Variants in TAFA2 observed in about 807,000 individuals in gnomAD.
TAFA2 encodes the protein chemokine-like protein TAFA-2.
A neutral mutation model predicts 18.8 loss-of-function variants in TAFA2; 7 were observed. The observed-to-expected ratio is 0.37, with a 90% CI of 0.21 to 0.70. The LOEUF (loss-of-function observed/expected upper bound fraction) is 0.70, where lower values mean the gene tolerates loss of function less well. TAFA2 is among the 30% of genes least tolerant of loss of function. The probability of loss-of-function intolerance (pLI) is 0.53; values close to 1 mark genes in which losing one functional copy is unlikely to be tolerated. For missense variants in TAFA2, 122 were observed against 158.1 expected (o/e 0.77, Z 1.23); for synonymous variants, 60 against 54.2 (o/e 1.11, Z -0.47).
chr12:62,127,992 A>T (rs138215350), intron 1 of TAFA2, among the ~76,000 whole-genome samples: 106 of 152,154 alleles, frequency 7.0e-4, no homozygotes, highest in African/African-American at 2.5e-3. Context: ...GACCATCAAG[A>T]AAGAAATCCA....
chr12:61,885,794 CGTGA>C (rs1367645113), intron 1 of TAFA2, among the ~76,000 whole-genome samples: 1 of 152,204 alleles, frequency 6.6e-6, no homozygotes, highest in Non-Finnish European at 1.5e-5. Context: ...ACGCCAGTGA[CGTGA>C]GTGTCGGTGT....
chr12:62,145,909 G>A (rs1470096613), intron 1 of TAFA2, among the ~76,000 whole-genome samples: 1 of 152,190 alleles, frequency 6.6e-6, no homozygotes, highest in Non-Finnish European at 1.5e-5. Context: ...ATACCCCCTT[G>A]GGTAGGATAC....
intron 1 of TAFA2, among the ~76,000 whole-genome samples, chr12:62,227,923 T>A (rs2062794633): frequency 6.6e-6 from 1 of 152,120 alleles, no homozygotes; most frequent in South Asian, 2.1e-4. Context: ...GCTGTAAATG[T>A]GTGGATTTAT....
intron 1 of TAFA2, among the ~76,000 whole-genome samples, chr12:62,118,629 C>CT (rs1870063887): frequency 6.6e-6 from 1 of 152,062 alleles, no homozygotes; most frequent in East Asian, 1.9e-4. Context: ...ATAATTGACA[C>CT]TATCAGGCTT....
chr12:61,778,958 C>G (rs747933616), intron 2 of TAFA2, among the ~76,000 whole-genome samples: 9 of 151,824 alleles, frequency 5.9e-5, no homozygotes, highest in Non-Finnish European at 1.3e-4. Flanking sequence ...TAAAATGTGC[C>G]CTGTTGAAAA....
intron 1 of TAFA2, among the ~76,000 whole-genome samples, chr12:62,160,667 C>T (rs528876968): frequency 9.6e-4 from 146 of 152,314 alleles, no homozygotes; most frequent in South Asian, 5.2e-3. Context: ...ACATGATCAC[C>T]TGCAGTTGGG....
intron 1 of TAFA2, among the ~76,000 whole-genome samples, chr12:62,059,137 A>ATGTGTGTGTG (rs779755647): frequency 0.036 from 1,548 of 43,444 alleles, 14 homozygotes; most frequent in Non-Finnish European, 0.053. Context: ...ATATGTGTGT[A>ATGTGTGTGTG]TATGTGTGTG....
chr12:61,964,511 T>C (rs75302405), intron 1 of TAFA2, among the ~76,000 whole-genome samples: 14,735 of 151,708 alleles, frequency 0.097, 936 homozygotes, highest in South Asian at 0.29. Flanking sequence ...AAATCCACCT[T>C]ATACCAAATG....
intron 2 of TAFA2, among the ~76,000 whole-genome samples, chr12:61,860,888 A>G (rs1338151959): frequency 6.6e-6 from 1 of 152,158 alleles, no homozygotes; most frequent in Non-Finnish European, 1.5e-5. Context: ...TTATCTGATT[A>G]ATGTTTTTCT....
At chr12:62,036,036 G>C (rs554723623) in intron 1 of TAFA2, among the ~76,000 whole-genome samples, 1 of 152,032 alleles carries the variant, frequency 6.6e-6, no homozygotes, top group Admixed American at 6.6e-5. Flanking sequence ...CACCGCGCCC[G>C]GCCAATGATT....
chr12:62,043,054 GTAGT>G (rs1445404268), intron 1 of TAFA2, among the ~76,000 whole-genome samples: 1 of 152,140 alleles, frequency 6.6e-6, no homozygotes, highest in African/African-American at 2.4e-5. Context: ...ACATTTATAA[GTAGT>G]TATTTTTCAT....
intron 1 of TAFA2, among the ~76,000 whole-genome samples, chr12:61,874,588 G>A (rs1874761921): frequency 6.6e-6 from 1 of 152,076 alleles, no homozygotes; most frequent in South Asian, 2.1e-4. Flanking sequence ...TTTATGCCTA[G>A]CCATGTATAG....
intron 1 of TAFA2, among the ~76,000 whole-genome samples, chr12:61,921,214 G>A (rs1168335224): frequency 1.3e-5 from 2 of 152,212 alleles, no homozygotes; most frequent in African/African-American, 2.4e-5. Flanking sequence ...TAATCATCCT[G>A]CCAGGTACAT....
chr12:61,786,519 C>A (rs1347680877), intron 2 of TAFA2, among the ~76,000 whole-genome samples: 1 of 151,608 alleles, frequency 6.6e-6, no homozygotes, highest in Non-Finnish European at 1.5e-5. Context: ...AGAATTCACA[C>A]ACATTAGCAT....
chr12:61,839,002 A>G (rs1404535977), intron 2 of TAFA2, among the ~76,000 whole-genome samples: 2 of 152,076 alleles, frequency 1.3e-5, no homozygotes, highest in African/African-American at 4.8e-5. Context: ...GGGGAAAAAG[A>G]AATAATGCAG....
At chr12:61,978,950 G>A (rs539932212) in intron 1 of TAFA2, among the ~76,000 whole-genome samples, 157 of 152,030 alleles carry the variant, frequency 1.0e-3, no homozygotes, top group African/African-American at 3.4e-3. Flanking sequence ...ACTTCTGACC[G>A]TCTCCCAATC....
chr12:61,970,204 A>T (rs1879202003), intron 1 of TAFA2, among the ~76,000 whole-genome samples: 1 of 151,640 alleles, frequency 6.6e-6, no homozygotes. Context: ...GAAATCAAAA[A>T]ATTAATTAGC....
intron 2 of TAFA2, among the ~76,000 whole-genome samples, chr12:61,823,698 C>T (rs759713248): frequency 1.3e-5 from 2 of 152,136 alleles, no homozygotes; most frequent in Non-Finnish European, 2.9e-5. Flanking sequence ...TAAATGTAGC[C>T]TTCCTTCCCC....
chr12:61,708,653 G>A lies in TAFA2; in HGVS notation c.*1753C>T, dbSNP rs1312744565. ...CTCAAAGCCATCTAATTCATTTTAT[G>A]CATGATTAAAATGGAGGCAGAAAGC... On this transcript the variant is annotated 3_prime_UTR_variant, in exon 5 of 5. Coordinates refer to ENST00000416284, the MANE Select transcript of TAFA2 (RefSeq NM_178539.5). The A allele has an allele frequency of 6.6e-6, 1 of 152,022 alleles. No homozygotes were observed. Among genetic ancestry groups the A allele is most frequent in the East Asian group, 1.9e-4 (1 of 5,190 alleles). The allele number at this position is 152,022 out of a possible 1,614,324, so 9.4% of individuals were successfully genotyped here. A position where few individuals can be genotyped will look rare whatever the true frequency, so the allele number is the denominator to read the frequency against.
Sources: gnomAD v4.1 joint callset for allele counts (sites outside exome capture counted in the v4.1 genomes callset) on GRCh38, gnomAD v4.1.1 for gene constraint, MANE v1.5 for transcripts, NCBI Gene and HGNC (gene_info 2026-07-23, HGNC 2026-07-21) for gene names.